The following CFAP43 variants were observed in gnomAD, a reference collection of about 807,000 sequenced individuals.
CFAP43 encodes the protein cilia- and flagella-associated protein 43.
Under a neutral mutation model 218.9 loss-of-function variants are expected in CFAP43, and 155 were observed. The observed-to-expected ratio is 0.71, with a 90% CI of 0.62 to 0.81. The LOEUF is 0.81. CFAP43 is among the 30% of genes least tolerant of loss of function. The probability of loss-of-function intolerance (pLI) is 0.00; values close to 1 mark genes in which losing one functional copy is unlikely to be tolerated. For synonymous variants in CFAP43, 645 were observed against 681.3 expected, an observed-to-expected ratio of 0.95 and a Z score of 0.83; for missense variants, 1,778 against 1,954.3, an observed-to-expected ratio of 0.91 and a Z score of 1.70.
chr10:104,139,401 A>G (rs1288878003), intron 34 of CFAP43, among the ~76,000 whole-genome samples: 1 of 152,212 alleles, frequency 6.6e-6, no homozygotes, highest in Non-Finnish European at 1.5e-5. Context: ...TCTCACGCAC[A>G]CATGTGCATA....
chr10:104,179,364 G>A (rs1488662099), intron 18 of CFAP43, among the ~76,000 whole-genome samples: 5 of 152,180 alleles, frequency 3.3e-5, no homozygotes, highest in African/African-American at 1.2e-4. Context: ...AAAAATTAGT[G>A]AACAGTTGAT....
intron 3 of CFAP43, chr10:104,218,724 G>A: frequency 3.9e-6 from 2 of 514,690 alleles, no homozygotes; most frequent in South Asian, 3.0e-5. Context: ...TTCAACAGAA[G>A]GTTTGTGCCC....
chr10:104,146,195 A>T, intron 30 of CFAP43, 68 bp downstream of exon 30: 2 of 1,305,330 alleles, frequency 1.5e-6, no homozygotes, highest in Non-Finnish European at 2.2e-6. Flanking sequence ...TATCCCCTTT[A>T]ACCTTCCTCC....
At chr10:104,219,361 C>T (rs1354913878) in intron 3 of CFAP43, among the ~76,000 whole-genome samples, 1 of 152,170 alleles carries the variant, frequency 6.6e-6, no homozygotes, top group Non-Finnish European at 1.5e-5. Context: ...TCATCTCTCA[C>T]CTGGACCACC....
intron 10 of CFAP43, among the ~76,000 whole-genome samples, chr10:104,195,004 A>G (rs1352715683): frequency 6.6e-6 from 1 of 152,234 alleles, no homozygotes; most frequent in Admixed American, 6.5e-5. Flanking sequence ...TTCCCAAAAT[A>G]AAAATAATCA....
At chr10:104,209,772 T>C (rs1309752348) in intron 5 of CFAP43, among the ~76,000 whole-genome samples, 1 of 152,180 alleles carries the variant, frequency 6.6e-6, no homozygotes, top group African/African-American at 2.4e-5. Flanking sequence ...ATCTCTTTGT[T>C]CTTCCTTTGC....
At chr10:104,190,435 A>G (rs1473499240) in intron 12 of CFAP43, among the ~76,000 whole-genome samples, 7 of 152,250 alleles carry the variant, frequency 4.6e-5, no homozygotes, top group Non-Finnish European at 8.8e-5. Flanking sequence ...TTGCATATTT[A>G]GTTACCTCTT....
intron 24 of CFAP43, 104 bp from the exon 25 acceptor site, chr10:104,162,507 G>A (rs2088933136): frequency 2.0e-6 from 2 of 984,046 alleles, no homozygotes; most frequent in Admixed American, 1.8e-5. Context: ...GGGGATTAAA[G>A]GGACTCTGCA....
chr10:104,158,484 A>C (rs2088695344), intron 27 of CFAP43, among the ~76,000 whole-genome samples: 1 of 152,206 alleles, frequency 6.6e-6, no homozygotes, highest in Non-Finnish European at 1.5e-5. Context: ...GAAACCAATC[A>C]AATTCAACTT....
In CFAP43 at chr10:104,166,576, G is replaced by A. The variant is rs1475708812; in HGVS notation, c.2951C>T (p.Thr984Ile). The change falls in exon 23 of 38, where the codon ACT (threonine) becomes ATT (isoleucine). Residue 984 changes from threonine to isoleucine, a missense_variant. Physicochemically the swap from Thr to Ile is moderately conservative, Grantham distance 89 (BLOSUM62 -1). Coordinates refer to ENST00000357060, the MANE Select transcript of CFAP43 (RefSeq NM_025145.7). ...TAAAGAGGTATCTACCCCAAAATCA[G>A]TACTCAGACTACCAAGCAGGTAATT... is the stretch of plus-strand genomic sequence containing the variant. ...LPNYLLGSLS[T>I]DFGVDTSLLS... is the part of the protein sequence containing the mutation. 6.2e-7 allele frequency: 1 copy of A among 1,614,084 alleles called. No individual in the cohort carries two copies.
rs1206278454 is a variant in CFAP43 at position 104,189,101 on chromosome 10, GT to G, written c.1547-692del. The stretch of plus-strand genomic sequence containing the variant: ...TGAGACTCACACTTTCCCCTTGTCT[GT>G]TTCCATTTTCTCCATTCATTTCCTG... On this transcript the variant is annotated intron_variant, in intron 12 of 37. Coordinates refer to ENST00000357060, the MANE Select transcript of CFAP43 (RefSeq NM_025145.7). 3.3e-5 allele frequency among the ~76,000 whole-genome samples: 5 copies of G among 152,062 alleles called. No homozygotes were observed. In the East Asian group the frequency reaches 9.6e-4, roughly 29 times the overall value.
At chr10:104,194,067 C>G in intron 10 of CFAP43, 53 bp from the exon 11 acceptor site, 2 of 1,592,910 alleles carry the variant, frequency 1.3e-6, no homozygotes, top group Non-Finnish European at 1.7e-6. Context: ...CTCTCCTACA[C>G]GTAAGAATGC....
intron 2 of CFAP43, among the ~76,000 whole-genome samples, 176 bp from the exon 3 acceptor site, chr10:104,225,733 C>T (rs2091290700): frequency 6.6e-6 from 1 of 152,120 alleles, no homozygotes; most frequent in South Asian, 2.1e-4. Context: ...AAGCTTAGAG[C>T]AAAGCTAAGA....
At chr10:104,162,479 G>A in intron 24 of CFAP43, 76 bp from the exon 25 acceptor site, 2 of 1,283,252 alleles carry the variant, frequency 1.6e-6, no homozygotes, top group Non-Finnish European at 2.3e-6. Flanking sequence ...ATACTGGGAG[G>A]AGGCTGGAAG....
intron 3 of CFAP43, chr10:104,218,931 A>G (rs1378617504): frequency 4.4e-6 from 2 of 454,386 alleles, no homozygotes; most frequent in South Asian, 1.6e-5. Context: ...CCACCACACC[A>G]ACCACAGCTG....
At chr10:104,141,372 G>T (rs575931363) in intron 33 of CFAP43, among the ~76,000 whole-genome samples, 2 of 152,330 alleles carry the variant, frequency 1.3e-5, no homozygotes, top group South Asian at 2.1e-4. Flanking sequence ...AGCATTTTGG[G>T]ATGCCGAGGT....
At chr10:104,172,830 G>T (rs1038129547) in intron 19 of CFAP43, among the ~76,000 whole-genome samples, 2 of 152,074 alleles carry the variant, frequency 1.3e-5, no homozygotes, top group Non-Finnish European at 2.9e-5. Context: ...CAGCATTGTG[G>T]TTATGTGTTT....
intron 16 of CFAP43, among the ~76,000 whole-genome samples, chr10:104,183,686 G>C (rs2089936396): frequency 1.3e-5 from 2 of 152,122 alleles, no homozygotes; most frequent in Admixed American, 6.5e-5. Flanking sequence ...ACTGCGCCTG[G>C]CCTAGACCAT....
intron 20 of CFAP43, 90 bp downstream of exon 20, chr10:104,172,320 T>C: frequency 6.7e-7 from 1 of 1,489,042 alleles, no homozygotes; most frequent in Non-Finnish European, 9.1e-7. Flanking sequence ...TTTTGTCATA[T>C]TCACATTATT....
Sources: gnomAD v4.1 joint callset for allele counts (sites outside exome capture counted in the v4.1 genomes callset) on GRCh38, gnomAD v4.1.1 for gene constraint, MANE v1.5 for transcripts, NCBI Gene and HGNC (gene_info 2026-07-23, HGNC 2026-07-21) for gene names.